Variants in MICAL2 observed in about 807,000 individuals in gnomAD.
MICAL2 encodes microtubule associated monooxygenase, calponin and LIM domain containing 2, also known as [F-actin]-monooxygenase MICAL2.
Under a neutral mutation model 127.3 loss-of-function variants are expected in MICAL2, and 77 were observed. That is an observed-to-expected ratio of 0.60 (90% CI 0.50 to 0.73). MICAL2 has a LOEUF of 0.73. Ranked by LOEUF, MICAL2 falls within the 30% of genes least tolerant of loss-of-function variation. The pLI, the probability that MICAL2 is intolerant of heterozygous loss-of-function variation, is 0.00. For synonymous variants in MICAL2, 570 were observed against 551.1 expected, an observed-to-expected ratio of 1.03 and a Z score of -0.48; for missense variants, 1,351 against 1,434.4, an observed-to-expected ratio of 0.94 and a Z score of 0.94.
intron 3 of MICAL2, among the ~76,000 whole-genome samples, chr11:12,169,495 C>T (rs916518473): frequency 1.3e-5 from 2 of 152,174 alleles, no homozygotes; most frequent in Non-Finnish European, 2.9e-5. Flanking sequence ...AAGTGATTCT[C>T]TTGCCTCAGC....
intron 2 of MICAL2, among the ~76,000 whole-genome samples, chr11:12,139,472 A>C (rs979463949): frequency 6.6e-6 from 1 of 152,034 alleles, no homozygotes; most frequent in Non-Finnish European, 1.5e-5. Flanking sequence ...CCAATCCAAG[A>C]TGCTGGGGCA....
At chr11:12,151,731 C>G (rs554083268) in intron 2 of MICAL2, among the ~76,000 whole-genome samples, 1 of 152,162 alleles carries the variant, frequency 6.6e-6, no homozygotes, top group Non-Finnish European at 1.5e-5. Flanking sequence ...TCTTATGGGT[C>G]GGTCTTAGAA....
intron 3 of MICAL2, among the ~76,000 whole-genome samples, chr11:12,162,956 GAAA>G (rs1855010152): frequency 6.6e-6 from 1 of 152,154 alleles, no homozygotes; most frequent in African/African-American, 2.4e-5. Flanking sequence ...GGACATTTTA[GAAA>G]GATCCCCTGG....
chr11:12,125,536 G>C (rs919078990), intron 1 of MICAL2, among the ~76,000 whole-genome samples: 1 of 150,882 alleles, frequency 6.6e-6, no homozygotes. Context: ...TTACAGGCGT[G>C]AGCCACCGTG....
chr11:12,227,218 G>A (rs1857596583), intron 15 of MICAL2, 87 bp downstream of exon 15: 1 of 990,978 alleles, frequency 1.0e-6, no homozygotes, highest in Admixed American at 2.1e-5. Context: ...TCAGCCTGTT[G>A]AGGCTAGTAA....
At chr11:12,295,646 C>T (rs1266933239), downstream of MICAL2, among the ~76,000 whole-genome samples, 1 of 151,956 alleles carries the variant, frequency 6.6e-6, no homozygotes, top group Non-Finnish European at 1.5e-5. Flanking sequence ...GTCCTCTCAC[C>T]TTGACTTCCC....
At chr11:12,330,786 G>GGAGA (rs59477152) in intron 32 of MICAL2, among the ~76,000 whole-genome samples, 8 of 98,604 alleles carry the variant, frequency 8.1e-5, no homozygotes, top group South Asian at 3.1e-4. Context: ...TGCAGGACGT[G>GGAGA]GAGAGAGAGA....
intron 21 of MICAL2, among the ~76,000 whole-genome samples, chr11:12,246,163 G>C (rs531754131): frequency 2.0e-5 from 3 of 152,362 alleles, no homozygotes; most frequent in African/African-American, 7.2e-5. Context: ...CCTTCTAAGA[G>C]ACGGCAGGGA....
intron 29 of MICAL2, among the ~76,000 whole-genome samples, chr11:12,297,422 T>C (rs1863999294): frequency 6.6e-6 from 1 of 152,136 alleles, no homozygotes; most frequent in Admixed American, 6.5e-5. Context: ...AAGGGAAATT[T>C]AACCCTTTTT....
rs934640400 is a variant in MICAL2 at position 12,283,664 on chromosome 11, G to A, written c.254+2565G>A. Among the ~76,000 whole-genome samples the A allele has an allele frequency of 1.5e-4, 23 of 152,298 alleles. 2 individuals are homozygous for A. The highest frequency in any genetic ancestry group is 1.1e-3 in the Admixed American group (17 of 15,296). On this transcript the variant is annotated intron_variant, in intron 2 of 2. Transcript: ENST00000529028. ...GTGATGGCTGCACAGCAGGGTAAGT[G>A]TACTTAATGTCACTGAAATCTAGAC...
At chr11:12,189,975 G>T (rs1368574863) in intron 3 of MICAL2, among the ~76,000 whole-genome samples, 1 of 152,222 alleles carries the variant, frequency 6.6e-6, no homozygotes, top group Admixed American at 6.5e-5. Flanking sequence ...GATGGTGTAG[G>T]ATTGGAGCCT....
chr11:12,266,902 C>T (rs1377397598), downstream of MICAL2, among the ~76,000 whole-genome samples: 2 of 152,194 alleles, frequency 1.3e-5, no homozygotes, highest in African/African-American at 4.8e-5. Flanking sequence ...ATCTCTTTGC[C>T]ATGTTCTAGA....
intron 3 of MICAL2, among the ~76,000 whole-genome samples, chr11:12,164,093 G>A (rs1292335194): frequency 1.3e-5 from 2 of 152,084 alleles, no homozygotes; most frequent in African/African-American, 4.8e-5. Context: ...ACCAAGAAGA[G>A]ACCCTTCTTC....
In MICAL2 at chr11:12,278,616, C is replaced by T. The variant is rs192936921; in HGVS notation, c.88-2317C>T. Among the ~76,000 whole-genome samples, 22 of 152,276 alleles carry T rather than the reference C, an allele frequency of 1.4e-4. No individual in the cohort carries two copies. In the East Asian group the frequency reaches 3.9e-3, roughly 27 times the overall value. On this transcript the variant is annotated intron_variant, in intron 1 of 2. Transcript: ENST00000529028. ...ACAGTTTTCACAGATCAGCAGGCCT[C>T]GCTTTGGGGAATGGATGAAGCAGGC...
At chr11:12,275,074 C>T (rs894026991), upstream of MICAL2, among the ~76,000 whole-genome samples, 8 of 151,992 alleles carry the variant, frequency 5.3e-5, no homozygotes, top group Admixed American at 2.6e-4. Context: ...CAGGATTTGC[C>T]GATGACTTGA....
intron 2 of MICAL2, among the ~76,000 whole-genome samples, chr11:12,147,667 C>G (rs1039016215): frequency 9.8e-5 from 15 of 152,336 alleles, no homozygotes; most frequent in African/African-American, 3.6e-4. Flanking sequence ...GGGAACTCTT[C>G]GTCTTCCCCA....
chr11:12,198,765 C>T (rs1860272658), intron 3 of MICAL2, among the ~76,000 whole-genome samples: 1 of 152,226 alleles, frequency 6.6e-6, no homozygotes, highest in African/African-American at 2.4e-5. Flanking sequence ...CCAAAGGAGG[C>T]TTGCACTATC....
chr11:12,349,820 TG>T, intron 32 of MICAL2: 1 of 1,612,506 alleles, frequency 6.2e-7, no homozygotes, highest in Non-Finnish European at 8.5e-7. Context: ...ACCCATTTGC[TG>T]TTGATTTCTT....
At chr11:12,143,678 C>T (rs1852579258) in intron 2 of MICAL2, among the ~76,000 whole-genome samples, 1 of 152,168 alleles carries the variant, frequency 6.6e-6, no homozygotes. Flanking sequence ...ATAGCAAACA[C>T]CCTTGTGAGT....
Sources: gnomAD v4.1 joint callset for allele counts (sites outside exome capture counted in the v4.1 genomes callset) on GRCh38, gnomAD v4.1.1 for gene constraint, MANE v1.5 for transcripts, NCBI Gene and HGNC (gene_info 2026-07-23, HGNC 2026-07-21) for gene names.